MLLT3: variants seen among roughly 807,000 people sequenced by gnomAD.
MLLT3 encodes protein AF-9.
A neutral mutation model predicts 53.2 loss-of-function variants in MLLT3; 4 were observed. The ratio of observed to expected loss-of-function variants is 0.08; its 90% confidence interval spans 0.04 to 0.17. The LOEUF is 0.17. MLLT3 is among the 10% of genes least tolerant of loss of function. The pLI, the probability that MLLT3 is intolerant of heterozygous loss-of-function variation, is 1.00. For missense variants in MLLT3, 569 were observed against 684.0 expected (o/e 0.83, Z 1.87); for synonymous variants, 283 against 230.6 (o/e 1.23, Z -2.06).
rs1176967264 is a variant in MLLT3, at chr9:20,621,996, G to A, written c.12+249C>T. On this transcript the variant is annotated intron_variant, in intron 1 of 10. Transcript: ENST00000380338. This position sits in a 1 kb window ranked among gnomAD's most constrained non-coding sequence, Gnocchi z 7.0. ...TGCAAAGAGGCGAGGAGGGAGGGAG[G>A]CGCGGGGGGTGGAGGGGCGAGTGTG... 2 of 1,394,362 alleles carry A rather than the reference G, an allele frequency of 1.4e-6. No homozygotes were observed. The highest frequency in any genetic ancestry group is 1.9e-6 in the Non-Finnish European group (2 of 1,080,910). The allele number at this position is 1,394,362 out of a possible 1,614,324, so 86.4% of individuals were successfully genotyped here. A position where few individuals can be genotyped will look rare whatever the true frequency, so the allele number is the denominator to read the frequency against.
chr9:20,409,591 G>A (rs1322499436), intron 5 of MLLT3, among the ~76,000 whole-genome samples: 1 of 152,104 alleles, frequency 6.6e-6, no homozygotes, highest in Non-Finnish European at 1.5e-5. Flanking sequence ...CCTAAACCAG[G>A]AACCACTGTA....
intron 2 of MLLT3, among the ~76,000 whole-genome samples, chr9:20,536,276 T>C (rs1041035804): frequency 1.3e-5 from 2 of 152,312 alleles, no homozygotes; most frequent in East Asian, 3.9e-4. Flanking sequence ...GTATTTATCC[T>C]ACAAGTGAGG....
chr9:20,593,630 G>A (rs1820181730), intron 2 of MLLT3, among the ~76,000 whole-genome samples: 1 of 152,088 alleles, frequency 6.6e-6, no homozygotes, highest in African/African-American at 2.4e-5. Context: ...TTGTTTCTCA[G>A]TTTTTTTCCT....
At chr9:20,446,581 C>T (rs1310231069) in intron 4 of MLLT3, among the ~76,000 whole-genome samples, 1 of 152,254 alleles carries the variant, frequency 6.6e-6, no homozygotes, top group Admixed American at 6.5e-5. Context: ...ATAATTTGCA[C>T]TCTCCAATTT....
chr9:20,350,726 C>T (rs190339311), intron 10 of MLLT3, among the ~76,000 whole-genome samples: 20 of 152,262 alleles, frequency 1.3e-4, no homozygotes, highest in Admixed American at 1.0e-3. Flanking sequence ...TATTTCCTGC[C>T]ACATCAGCCT....
intron 2 of MLLT3, among the ~76,000 whole-genome samples, chr9:20,602,868 T>G (rs1820463486): frequency 6.6e-6 from 1 of 152,052 alleles, no homozygotes. Flanking sequence ...TAATTCCTCC[T>G]GCCAATGGCA....
rs182932457 is a variant in MLLT3, at chr9:20,589,636, G to A, written c.193+31018C>T. Among the ~76,000 whole-genome samples the A allele has an allele frequency of 3.4e-3, 512 of 150,338 alleles. 5 individuals carry two copies. Among genetic ancestry groups the A allele is most frequent in the African/African-American group, 0.012 (492 of 40,950 alleles). On this transcript the variant is annotated intron_variant, in intron 2 of 10. Coordinates refer to ENST00000380338, the MANE Select transcript of MLLT3 (RefSeq NM_004529.4). ...ATAAAAAAAGAATTTGAGAATTGAG[G>A]TATTCAAAAACTTTGTATTTCTTGA... is the stretch of plus-strand genomic sequence containing the variant.
intron 2 of MLLT3, among the ~76,000 whole-genome samples, chr9:20,496,621 T>C (rs1001497394): frequency 6.6e-6 from 1 of 152,236 alleles, no homozygotes; most frequent in African/African-American, 2.4e-5. Flanking sequence ...TGGTTTGTGC[T>C]GTGTTAGCCT....
chr9:20,499,026 A>G (rs1157016104), intron 2 of MLLT3, among the ~76,000 whole-genome samples: 1 of 152,200 alleles, frequency 6.6e-6, no homozygotes, highest in Admixed American at 6.5e-5. Flanking sequence ...AAGCTCTAGA[A>G]AAGAATCCTT....
At chr9:20,455,023 A>AG (rs1320293582) in intron 3 of MLLT3, among the ~76,000 whole-genome samples, 4 of 152,246 alleles carry the variant, frequency 2.6e-5, no homozygotes, top group African/African-American at 4.8e-5. Flanking sequence ...CAAGTATTGG[A>AG]GAAATTGGTA....
Position 20,448,378 on chromosome 9 carries a change from G to C in MLLT3, c.277-112C>G, listed in dbSNP as rs1377683574. 3 of 907,474 alleles carry C rather than the reference G, an allele frequency of 3.3e-6. No homozygotes were observed. The African/African-American group carries it at 5.0e-5, about 15-fold the overall frequency. The allele number at this position is 907,474 out of a possible 1,614,324, so 56.2% of individuals were successfully genotyped here. Reference sequence around the variant, plus strand: ...TAGAAAAGAACTAAGACATCTAACAGCTAAACTGTCAAAGTAGTACTGGGA... The same window carrying C: ...TAGAAAAGAACTAAGACATCTAACACCTAAACTGTCAAAGTAGTACTGGGA... On this transcript the variant is annotated intron_variant, in intron 3 of 10. Transcript: ENST00000380338. This position sits in a 1 kb window ranked among gnomAD's most constrained non-coding sequence, Gnocchi z 4.0.
At chr9:20,380,095 T>A (rs1432073499) in intron 5 of MLLT3, 4 of 152,082 alleles carry the variant, frequency 2.6e-5, no homozygotes, top group Non-Finnish European at 5.9e-5. Context: ...CAGGCTGTTA[T>A]CCCAAAGACT....
chr9:20,567,759 C>G (rs1343053895), intron 2 of MLLT3, among the ~76,000 whole-genome samples: 1 of 152,092 alleles, frequency 6.6e-6, no homozygotes, highest in Non-Finnish European at 1.5e-5. Context: ...TATACATTAA[C>G]CAAACAGGTT....
At chr9:20,556,383 G>C (rs1007144791) in intron 2 of MLLT3, among the ~76,000 whole-genome samples, 16 of 152,012 alleles carry the variant, frequency 1.1e-4, no homozygotes, top group African/African-American at 3.9e-4. Context: ...TATTATATTA[G>C]AATAAAAAGT....
At chr9:20,466,682 G>A (rs2118880079) in intron 2 of MLLT3, among the ~76,000 whole-genome samples, 1 of 152,236 alleles carries the variant, frequency 6.6e-6, no homozygotes, top group African/African-American at 2.4e-5. Flanking sequence ...TATCAAATGT[G>A]GTACTAATTG....
At chr9:20,449,983 G>A (rs1563970259) in intron 3 of MLLT3, among the ~76,000 whole-genome samples, 1 of 152,178 alleles carries the variant, frequency 6.6e-6, no homozygotes, top group Non-Finnish European at 1.5e-5. Context: ...CTCCAACCCA[G>A]CTCTCACTGA....
At position 20,464,406 on chromosome 9, in the gene MLLT3, T is replaced by C. The variant is rs927054327; in HGVS notation, c.194-7620A>G. ...ACTGTGGATAGAGCAATAAACGTAA[T>C]TGACAGGTCCCCTGCACTTAATAAA... On this transcript the variant is annotated intron_variant, in intron 2 of 10. Transcript: ENST00000380338. Among the ~76,000 whole-genome samples the C allele has an allele frequency of 1.3e-5, 2 of 152,048 alleles. 1 individual carries two copies. The highest frequency in any genetic ancestry group is 4.8e-5 in the African/African-American group (2 of 41,418).
At position 20,377,069 on chromosome 9, in the gene MLLT3, G is replaced by C. The variant is rs139971000; in HGVS notation, c.1126-11325C>G. ...TTGTGTGTTTTGAGAGTGACGGGTA[G>C]AGAAAGAAAAATGTTACAAGTGAGA... On this transcript the variant is annotated intron_variant, in intron 5 of 10. Transcript: ENST00000380338. Among the ~76,000 whole-genome samples the C allele has an allele frequency of 4.8e-3, 725 of 152,248 alleles. 7 individuals are homozygous for C. The highest frequency in any genetic ancestry group is 0.016 in the African/African-American group (658 of 41,552).
intron 5 of MLLT3, among the ~76,000 whole-genome samples, chr9:20,399,238 A>C (rs1466753848): frequency 6.6e-6 from 1 of 152,182 alleles, no homozygotes; most frequent in Non-Finnish European, 1.5e-5. Flanking sequence ...TCTCCAGATT[A>C]CACAGACATA....
Sources: allele counts gnomAD v4.1 joint callset (sites outside exome capture counted in the v4.1 genomes callset), GRCh38; gene constraint gnomAD v4.1.1; non-coding constraint Gnocchi (gnomAD v3.1); transcripts MANE v1.5; gene names NCBI Gene and HGNC (gene_info 2026-07-23, HGNC 2026-07-21).